The following TENT5D variants were observed in gnomAD, a reference collection of about 807,000 sequenced individuals.
TENT5D encodes the protein terminal nucleotidyltransferase 5D.
For missense variants in TENT5D, 191 were observed against 287.0 expected (o/e 0.67, Z 2.42); for synonymous variants, 103 against 100.6 (o/e 1.02, Z -0.15).
chrX:80,393,073 AT>A (rs1257792221), intron 3 of TENT5D, among the ~76,000 whole-genome samples: 1 of 109,291 alleles, frequency 9.1e-6, no homozygotes, highest in African/African-American at 3.3e-5. Flanking sequence ...TTCAGGAAAA[AT>A]TTTTTTATAT....
At chrX:80,422,481 A>G (rs75405733) in intron 1 of TENT5D, among the ~76,000 whole-genome samples, 2 of 111,133 alleles carry the variant, frequency 1.8e-5, no homozygotes, top group East Asian at 2.9e-4. Flanking sequence ...CAAAAAAAAA[A>G]TTGCATTTCA....
At chrX:80,405,774 C>A (rs775271956) in intron 3 of TENT5D, among the ~76,000 whole-genome samples, 195 of 112,784 alleles carry the variant, frequency 1.7e-3, no homozygotes, top group African/African-American at 6.0e-3. Context: ...GGCCTGCCTG[C>A]CTCTGTAGGC....
At chrX:80,429,469 A>T (rs902738734) in intron 1 of TENT5D, among the ~76,000 whole-genome samples, 11 of 102,659 alleles carry the variant, frequency 1.1e-4, no homozygotes, top group Admixed American at 5.2e-4. Context: ...CGCCCAGCTA[A>T]TTTTTTTTTT....
chrX:80,407,944 A>G (rs1359857139), intron 3 of TENT5D, among the ~76,000 whole-genome samples: 2 of 110,415 alleles, frequency 1.8e-5, no homozygotes, highest in Non-Finnish European at 3.8e-5. Flanking sequence ...AGGATTAAGA[A>G]TCTCACTCAA....
chrX:80,427,501 G>A (rs1452135711), intron 1 of TENT5D, among the ~76,000 whole-genome samples: 1 of 112,185 alleles, frequency 8.9e-6, no homozygotes, highest in African/African-American at 3.2e-5. Flanking sequence ...AAAGTCACAT[G>A]AACTGAAAGG....
At chrX:80,378,189 C>A (rs1930774009) in intron 3 of TENT5D, among the ~76,000 whole-genome samples, 1 of 111,706 alleles carries the variant, frequency 9.0e-6, no homozygotes, top group East Asian at 2.8e-4. Flanking sequence ...TGTAGGTTGC[C>A]TCTTCACTCT....
intron 3 of TENT5D, among the ~76,000 whole-genome samples, chrX:80,380,445 G>A (rs780151237): frequency 5.8e-4 from 64 of 111,300 alleles, no homozygotes; most frequent in Non-Finnish European, 1.1e-3. Context: ...GTTGATTTTT[G>A]GTGGAGAGTT....
At chrX:80,373,477 G>A (rs975608288) in intron 3 of TENT5D, among the ~76,000 whole-genome samples, 2 of 111,427 alleles carry the variant, frequency 1.8e-5, no homozygotes. Flanking sequence ...CCATTTAGAG[G>A]CCATTGTAGG....
At chrX:80,395,004 T>C (rs1238853622) in intron 3 of TENT5D, among the ~76,000 whole-genome samples, 1 of 111,799 alleles carries the variant, frequency 8.9e-6, no homozygotes, top group Non-Finnish European at 1.9e-5. Flanking sequence ...TGTTGACCGA[T>C]CTCTCCCCAT....
At chrX:80,432,663 T>C (rs776968864) in intron 1 of TENT5D, among the ~76,000 whole-genome samples, 3 of 111,810 alleles carry the variant, frequency 2.7e-5, no homozygotes, top group Admixed American at 9.5e-5. Flanking sequence ...CACCAAAATA[T>C]GTAGCAGTAT....
chrX:80,357,139 AT>A (rs1399102148), intron 3 of TENT5D, among the ~76,000 whole-genome samples: 1 of 111,678 alleles, frequency 9.0e-6, no homozygotes, highest in African/African-American at 3.3e-5. Context: ...TATGTGCCAC[AT>A]TTTCTTAATC....
intron 3 of TENT5D, among the ~76,000 whole-genome samples, chrX:80,405,913 A>G (rs1931480339): frequency 1.8e-5 from 2 of 110,202 alleles, no homozygotes; most frequent in South Asian, 7.9e-4. Context: ...GAGAACGGGC[A>G]GACTGCCTCC....
intron 3 of TENT5D, among the ~76,000 whole-genome samples, chrX:80,376,185 C>T (rs913482991): frequency 2.7e-5 from 3 of 109,718 alleles, no homozygotes; most frequent in Non-Finnish European, 5.7e-5. Context: ...TTTTAATTTT[C>T]CTCTGTTTAA....
rs185499665 is a variant in TENT5D, at chrX:80,361,907, G to A, written c.-142+19343G>A. Among the ~76,000 whole-genome samples the A allele has an allele frequency of 2.2e-4, 25 of 111,614 alleles. No individual in the cohort carries two copies. The East Asian group carries it at 4.8e-3, about 21-fold the overall frequency. ...ACATTGGTATATTGCATGATGCTGAGGTTTGGGATATGTGATGCTGAGGTA... is the reference window on the plus strand; with the variant it reads ...ACATTGGTATATTGCATGATGCTGAAGTTTGGGATATGTGATGCTGAGGTA... On this transcript the variant is annotated intron_variant, in intron 3 of 4. Transcript: ENST00000538312.
intron 3 of TENT5D, among the ~76,000 whole-genome samples, chrX:80,360,160 A>G (rs1265884878): frequency 8.9e-6 from 1 of 112,173 alleles, no homozygotes; most frequent in African/African-American, 3.2e-5. Flanking sequence ...ACTTAATATA[A>G]TACAAAAGTA....
chrX:80,402,895 C>A (rs1476669972), intron 3 of TENT5D, among the ~76,000 whole-genome samples: 3 of 111,545 alleles, frequency 2.7e-5, no homozygotes, highest in Non-Finnish European at 5.7e-5. Context: ...GCTATTAGGT[C>A]CATTTGGCCT....
At chrX:80,381,475 C>A (rs773317543) in intron 3 of TENT5D, among the ~76,000 whole-genome samples, 1 of 110,201 alleles carries the variant, frequency 9.1e-6, no homozygotes, top group African/African-American at 3.4e-5. Context: ...GTGGTGTTCT[C>A]TGTATTTCCT....
At chrX:80,407,668 C>T (rs1324270065) in intron 3 of TENT5D, among the ~76,000 whole-genome samples, 1 of 108,118 alleles carries the variant, frequency 9.2e-6, no homozygotes, top group African/African-American at 3.4e-5. Flanking sequence ...TTTAACACCC[C>T]ACTGTCAACA....
chrX:80,337,962 A>G (rs1929885410), intron 2 of TENT5D, among the ~76,000 whole-genome samples: 1 of 111,278 alleles, frequency 9.0e-6, no homozygotes, highest in East Asian at 2.8e-4. Flanking sequence ...ACGGGGTTTC[A>G]CCGTGTTGCC....
Sources: allele counts gnomAD v4.1 joint callset (sites outside exome capture counted in the v4.1 genomes callset), GRCh38; gene constraint gnomAD v4.1.1; transcripts MANE v1.5; gene names NCBI Gene and HGNC (gene_info 2026-07-23, HGNC 2026-07-21).